The following SNTB1 variants were observed in gnomAD, a reference collection of about 807,000 sequenced individuals.
The protein encoded by SNTB1 is syntrophin beta 1.
In SNTB1, 36 loss-of-function variants were observed where a neutral mutation model predicts 48.9. The observed-to-expected ratio is 0.74, with a 90% CI of 0.56 to 0.97. The LOEUF (loss-of-function observed/expected upper bound fraction) is 0.97. Ranked by LOEUF, SNTB1 falls within the 50% of genes least tolerant of loss-of-function variation. The pLI is 0.00. For synonymous variants in SNTB1, 299 were observed against 294.6 expected, an observed-to-expected ratio of 1.01 and a Z score of -0.15; for missense variants, 786 against 703.4, an observed-to-expected ratio of 1.12 and a Z score of -1.33.
At chr8:120,542,715 C>G (rs1319034513) in intron 5 of SNTB1, among the ~76,000 whole-genome samples, 1 of 151,384 alleles carries the variant, frequency 6.6e-6, no homozygotes, top group Non-Finnish European at 1.5e-5. Context: ...ATCATCCACA[C>G]ACACACACAC....
chr8:120,590,670 G>GTTTTCTTTTC (rs1348669683), intron 3 of SNTB1, among the ~76,000 whole-genome samples: 1 of 139,486 alleles, frequency 7.2e-6, no homozygotes, highest in Non-Finnish European at 1.5e-5. Flanking sequence ...TCTTTCTTTT[G>GTTTTCTTTTC]TTTTCTTTTC....
chr8:120,724,368 G>A (rs1277783900), intron 1 of SNTB1, among the ~76,000 whole-genome samples: 2 of 152,224 alleles, frequency 1.3e-5, no homozygotes, highest in African/African-American at 4.8e-5. Flanking sequence ...TGTGTCACCT[G>A]CCAGGTAAGG....
intron 3 of SNTB1, among the ~76,000 whole-genome samples, chr8:120,576,469 G>A (rs1361769406): frequency 6.6e-6 from 1 of 152,228 alleles, no homozygotes; most frequent in Admixed American, 6.5e-5. Context: ...TATGAGGAAT[G>A]AGTGATCAAA....
chr8:120,706,204 G>A (rs1241504591), intron 1 of SNTB1, among the ~76,000 whole-genome samples: 2 of 152,128 alleles, frequency 1.3e-5, no homozygotes, highest in Non-Finnish European at 2.9e-5. Flanking sequence ...TTGCAAGGAT[G>A]TCTCTTTTCG....
At chr8:120,760,452 G>A (rs924771933) in intron 1 of SNTB1, among the ~76,000 whole-genome samples, 11 of 152,126 alleles carry the variant, frequency 7.2e-5, no homozygotes, top group Non-Finnish European at 1.3e-4. Flanking sequence ...CCAACATTGG[G>A]TAGACATATT....
At chr8:120,648,615 C>A (rs1449740553) in intron 2 of SNTB1, among the ~76,000 whole-genome samples, 4 of 151,868 alleles carry the variant, frequency 2.6e-5, no homozygotes, top group Non-Finnish European at 5.9e-5. Flanking sequence ...TCCTTCATTT[C>A]AACTTTGGTG....
At chr8:120,548,683 A>T (rs1586988786) in intron 5 of SNTB1, 79 bp downstream of exon 5, 4 of 1,345,496 alleles carry the variant, frequency 3.0e-6, no homozygotes. Context: ...AGTGATGAAA[A>T]CTACTTTAAG....
intron 1 of SNTB1, among the ~76,000 whole-genome samples, chr8:120,746,685 T>C (rs921367098): frequency 2.0e-5 from 3 of 152,224 alleles, no homozygotes; most frequent in Non-Finnish European, 4.4e-5. Flanking sequence ...CCGTTTACTA[T>C]GATATCAAGA....
rs759921667 is a variant in SNTB1 at position 120,811,677 on chromosome 8, G to A, written c.167C>T (p.Ala56Val). Residue 56 changes from alanine (A) to valine (V), a missense_variant, in exon 1 of 7, where the codon GCG becomes GTG. Physicochemically the swap from Ala to Val is moderately conservative, Grantham distance 64 (BLOSUM62 0). Coordinates refer to ENST00000517992, the MANE Select transcript of SNTB1 (RefSeq NM_021021.4). Reference protein sequence around the residue: ...LVLSSEEGAAAYNGIGTATNG... With the variant: ...LVLSSEEGAAVYNGIGTATNG... ...GGTGGCGGTCCCGATGCCGTTGTAC[G>A]CCGCAGCGCCCTCCTCGCTGCTCAG... 4.4e-6 allele frequency: 7 copies of A among 1,590,338 alleles called. No homozygotes were observed. Among genetic ancestry groups the A allele is most frequent in the Non-Finnish European group, 6.0e-6 (7 of 1,172,276 alleles).
chr8:120,550,561 A>AAG (rs1040245622), intron 4 of SNTB1, among the ~76,000 whole-genome samples: 11 of 150,014 alleles, frequency 7.3e-5, no homozygotes, highest in African/African-American at 2.5e-4. Context: ...AAAAAAAAAA[A>AAG]AGAGAGATAT....
intron 2 of SNTB1, among the ~76,000 whole-genome samples, chr8:120,658,386 G>A (rs1389289823): frequency 1.3e-5 from 2 of 152,062 alleles, no homozygotes; most frequent in Admixed American, 1.3e-4. Flanking sequence ...TCAGGAAGTA[G>A]GAAACACCAT....
chr8:120,574,204 C>T (rs756063309), intron 4 of SNTB1, among the ~76,000 whole-genome samples: 5 of 151,976 alleles, frequency 3.3e-5, no homozygotes, highest in South Asian at 2.1e-4. Flanking sequence ...TGGTTTCCAG[C>T]GGGGAGAGGG....
In SNTB1 at chr8:120,660,500, G is replaced by C. The variant is rs1587070319; in HGVS notation, c.789-27849C>G. ...AAGAATTGAAGACAGTTAGGGCCTT[G>C]CTCTGGATTAGGCTTTAGCTTAAGG... On this transcript the variant is annotated intron_variant, in intron 2 of 6. Transcript: ENST00000517992. 2.0e-5 allele frequency among the ~76,000 whole-genome samples: 3 copies of C among 152,224 alleles called. No homozygotes were observed. The South Asian group carries it at 6.2e-4, about 32-fold the overall frequency.
At chr8:120,768,430 A>T (rs1039613431) in intron 1 of SNTB1, among the ~76,000 whole-genome samples, 1 of 152,212 alleles carries the variant, frequency 6.6e-6, no homozygotes, top group Non-Finnish European at 1.5e-5. Context: ...TGTGCAAATA[A>T]CACTAGCTAC....
chr8:120,574,950 T>C, intron 4 of SNTB1, 136 bp downstream of exon 4: 1 of 1,011,990 alleles, frequency 9.9e-7, no homozygotes, highest in Non-Finnish European at 1.5e-6. Flanking sequence ...TGGCTAAAAA[T>C]GTGTGGCTAT....
chr8:120,678,905 C>G (rs1224415101), intron 2 of SNTB1, among the ~76,000 whole-genome samples: 2 of 152,184 alleles, frequency 1.3e-5, no homozygotes, highest in African/African-American at 2.4e-5. Context: ...TTATGCATGG[C>G]CAACCAGAAG....
chr8:120,636,028 C>A, intron 2 of SNTB1: 1 of 1,003,652 alleles, frequency 1.0e-6, no homozygotes, highest in Non-Finnish European at 1.4e-6. Flanking sequence ...AAGATGGCTA[C>A]TGAGTTCTAA....
At chr8:120,677,633 T>C (rs375015953) in intron 2 of SNTB1, among the ~76,000 whole-genome samples, 2 of 152,122 alleles carry the variant, frequency 1.3e-5, no homozygotes, top group African/African-American at 4.8e-5. Context: ...AGTGGGAGAT[T>C]GGAGGATTTT....
chr8:120,543,139 G>A (rs1412573218), intron 5 of SNTB1, among the ~76,000 whole-genome samples: 3 of 152,184 alleles, frequency 2.0e-5, no homozygotes, highest in Non-Finnish European at 4.4e-5. Flanking sequence ...CTTATGAGCT[G>A]GGCAAGGGGA....
Sources: allele counts gnomAD v4.1 joint callset (sites outside exome capture counted in the v4.1 genomes callset), GRCh38; gene constraint gnomAD v4.1.1; transcripts MANE v1.5; gene names NCBI Gene and HGNC (gene_info 2026-07-23, HGNC 2026-07-21).